The following ACVR2B variants were observed in gnomAD, a reference collection of about 807,000 sequenced individuals.
ACVR2B encodes activin receptor type-2B.
In ACVR2B, 18 loss-of-function variants were observed where a neutral mutation model predicts 65.1. That is an observed-to-expected ratio of 0.28 (90% CI 0.19 to 0.41). ACVR2B has a LOEUF of 0.41. Among genes scored for constraint, ACVR2B ranks in the 10% least tolerant of loss-of-function variants. The probability of loss-of-function intolerance (pLI) is 1.00; values close to 1 mark genes in which losing one functional copy is unlikely to be tolerated. For missense variants in ACVR2B, 482 were observed against 682.7 expected (o/e 0.71, Z 3.28); for synonymous variants, 298 against 277.7 (o/e 1.07, Z -0.73).
At chr3:38,473,073 G>A (rs1246014124) in intron 1 of ACVR2B, among the ~76,000 whole-genome samples, 1 of 152,184 alleles carries the variant, frequency 6.6e-6, no homozygotes, top group South Asian at 2.1e-4. Flanking sequence ...GGTGGTGTAT[G>A]TGGGAGTGGT....
rs890359144 is a variant in ACVR2B at position 38,454,328 on chromosome 3, G to C, written c.6G>C (p.Thr2=). 3.0e-5 allele frequency: 39 copies of C among 1,298,162 alleles called. No individual in the cohort carries two copies. The African/African-American group carries it at 4.3e-4, about 14-fold the overall frequency. The allele number at this position is 1,298,162 out of a possible 1,614,324, so 80.4% of individuals were successfully genotyped here. Residue 2 remains threonine (T), a synonymous_variant, in exon 1 of 11, where the codon ACG becomes ACC. Coordinates refer to ENST00000352511, the MANE Select transcript of ACVR2B (RefSeq NM_001106.4). ...GCGGGGCGGCGCCGCGGAACATGAC[G>C]GCGCCCTGGGTGGCCCTCGCCCTCC... is the stretch of plus-strand genomic sequence containing the variant. M[T]APWVALALLW...
intron 1 of ACVR2B, chr3:38,476,983 T>G (rs995037704): frequency 4.9e-5 from 25 of 506,122 alleles, no homozygotes; most frequent in South Asian, 2.9e-4. Flanking sequence ...ACTCTGTCTG[T>G]CTGGCTGTTT....
chr3:38,479,375 A>T (rs1327542149), intron 6 of ACVR2B, 104 bp downstream of exon 6: 2 of 1,545,670 alleles, frequency 1.3e-6, no homozygotes, highest in Non-Finnish European at 1.8e-6. Flanking sequence ...TCCACCATGA[A>T]GTACTCTGCC....
intron 1 of ACVR2B, chr3:38,473,628 G>A (rs1709857157): frequency 6.6e-6 from 1 of 152,374 alleles, no homozygotes; most frequent in African/African-American, 2.4e-5. Context: ...TGTAGGCATG[G>A]TGTGACTTGA....
At chr3:38,475,850 GCTGT>G (rs988375855) in intron 1 of ACVR2B, 1 of 153,844 alleles carries the variant, frequency 6.5e-6, no homozygotes, top group African/African-American at 2.4e-5. Context: ...TGGTGGGCTG[GCTGT>G]CTGGTGGGAT....
In ACVR2B at chr3:38,477,482, A is replaced by G. The variant is rs369141295; in HGVS notation, c.248A>G (p.Asn83Ser). 3.1e-6 allele frequency: 5 copies of G among 1,613,904 alleles called. No homozygotes were observed. The highest frequency in any genetic ancestry group is 2.2e-5 in the East Asian group (1 of 44,878). The stretch of plus-strand genomic sequence containing the variant: ...AAGGGCTGCTGGCTAGATGACTTCA[A>G]CTGCTACGATAGGTACCCCAAGACT... ...VKKGCWLDDF[N>S]CYDRQECVAT... Residue 83 changes from asparagine (N) to serine (S), a missense_variant, in exon 2 of 11, where the codon AAC becomes AGC. Asn to Ser is a conservative substitution (Grantham distance 46). Around this residue, in one of 5 missense-constraint regions of ACVR2B, gnomAD observed 85 missense variants for 137.3 expected, o/e 0.62. Transcript: ENST00000352511. The surrounding 1 kb of genome is among the most constrained non-coding windows in gnomAD (Gnocchi z 6.7).
intron 1 of ACVR2B, among the ~76,000 whole-genome samples, chr3:38,456,587 C>G (rs1303443430): frequency 1.3e-5 from 2 of 152,190 alleles, no homozygotes; most frequent in Non-Finnish European, 2.9e-5. Flanking sequence ...TGTCAAAGTT[C>G]TGGAAGCTCT....
intron 7 of ACVR2B, among the ~76,000 whole-genome samples, chr3:38,480,531 G>T (rs183064056): frequency 1.3e-5 from 2 of 152,308 alleles, no homozygotes; most frequent in Non-Finnish European, 2.9e-5. Flanking sequence ...GAAGTTGAAT[G>T]ACTTAGCCAA....
chr3:38,468,678 G>GT (rs1709771614), intron 1 of ACVR2B, among the ~76,000 whole-genome samples: 1 of 152,122 alleles, frequency 6.6e-6, no homozygotes, highest in Non-Finnish European at 1.5e-5. Context: ...AGGGTTCTGT[G>GT]GGGGAAGTCA....
At chr3:38,467,567 G>A (rs935724041) in intron 1 of ACVR2B, among the ~76,000 whole-genome samples, 6 of 149,542 alleles carry the variant, frequency 4.0e-5, no homozygotes, top group South Asian at 4.3e-4. Context: ...CTTAGGCAAC[G>A]TAGTGAGACC....
In ACVR2B at chr3:38,479,211, C is replaced by A. The variant is rs149589197; in HGVS notation, c.750C>A (p.Ala250=). ...KHENLLQFIA[A]EKRGSNLEVE... is the part of the protein sequence containing the mutation. ...AGAACCTGCTACAGTTCATTGCTGC[C>A]GAGAAGCGAGGCTCCAACCTCGAAG... is the stretch of plus-strand genomic sequence containing the variant. The change falls in exon 6 of 11, where the codon GCC becomes GCA. Residue 250 remains alanine (A), a synonymous_variant. Coordinates refer to ENST00000352511, the MANE Select transcript of ACVR2B (RefSeq NM_001106.4). The A allele has an allele frequency of 5.6e-5, 90 of 1,614,010 alleles. 1 individual carries two copies. The South Asian group carries it at 6.8e-4, about 12-fold the overall frequency.
Position 38,466,122 on chromosome 3 carries a change from A to G in ACVR2B, c.53-11165A>G, listed in dbSNP as rs78044332. Among the ~76,000 whole-genome samples, 347 of 152,366 alleles carry G rather than the reference A, an allele frequency of 2.3e-3. 8 individuals carry two copies. The East Asian group carries it at 0.059, about 26-fold the overall frequency. On this transcript the variant is annotated intron_variant, in intron 1 of 10. Transcript: ENST00000352511. Reference sequence around the variant, plus strand: ...AAATAAGCCAGACATGGAAGGACAAATAACCACATTATCTCACTTATATGT... The same window carrying G: ...AAATAAGCCAGACATGGAAGGACAAGTAACCACATTATCTCACTTATATGT...
chr3:38,479,546 C>T, intron 6 of ACVR2B, 132 bp from the exon 7 acceptor site: 1 of 1,167,698 alleles, frequency 8.6e-7, no homozygotes, highest in Non-Finnish European at 1.3e-6. Flanking sequence ...CATCCATCTT[C>T]CATATCGATT....
chr3:38,478,998 G>A (rs1709965469), intron 5 of ACVR2B, 130 bp from the exon 6 acceptor site: 4 of 1,218,594 alleles, frequency 3.3e-6, no homozygotes, highest in African/African-American at 1.5e-5. Context: ...CTGGGAGGCT[G>A]GGGGGTGGGG....
chr3:38,481,220 C>T lies in ACVR2B; in HGVS notation c.960-131C>T. On this transcript the variant is annotated intron_variant, in intron 7 of 10. Transcript: ENST00000352511. The surrounding 1 kb of genome is among the most constrained non-coding windows in gnomAD (Gnocchi z 4.7). Reference sequence around the variant, plus strand: ...GCTGCCTGCTTGTGCTGCTTCACCTCTGCACCCCAGGTAGGGTGGGATGGC... The same window carrying T: ...GCTGCCTGCTTGTGCTGCTTCACCTTTGCACCCCAGGTAGGGTGGGATGGC... The T allele has an allele frequency of 1.3e-6, 1 of 795,036 alleles. No individual in the cohort carries two copies. The allele number at this position is 795,036 out of a possible 1,614,324, so 49.2% of individuals were successfully genotyped here.
intron 1 of ACVR2B, among the ~76,000 whole-genome samples, chr3:38,465,267 C>T (rs1419478482): frequency 6.6e-6 from 1 of 151,508 alleles, no homozygotes; most frequent in Non-Finnish European, 1.5e-5. Flanking sequence ...GGTGTGGTGG[C>T]AGGCACCTGT....
chr3:38,468,847 A>G (rs1173750136), intron 1 of ACVR2B, among the ~76,000 whole-genome samples: 1 of 152,192 alleles, frequency 6.6e-6, no homozygotes, highest in African/African-American at 2.4e-5. Context: ...TTGCAGTTTT[A>G]GTGGGACTAC....
chr3:38,461,919 G>T (rs1040484482), intron 1 of ACVR2B, among the ~76,000 whole-genome samples: 4 of 152,158 alleles, frequency 2.6e-5, no homozygotes, highest in Non-Finnish European at 5.9e-5. Flanking sequence ...TTGGCCGGGC[G>T]TGGTGGCTCA....
rs1575591201 is a variant in ACVR2B, at chr3:38,484,646, A to C, written c.*1314A>C. ...TCAACATTTGAATTCTTTTTAATTTATGAAACATGCTAAATTTTTTTTTTC... is the reference window on the plus strand; with the variant it reads ...TCAACATTTGAATTCTTTTTAATTTCTGAAACATGCTAAATTTTTTTTTTC... On this transcript the variant is annotated 3_prime_UTR_variant, in exon 11 of 11. Transcript: ENST00000352511. 6.6e-6 allele frequency: 1 copy of C among 152,174 alleles called. No individual in the cohort carries two copies. Among genetic ancestry groups the C allele is most frequent in the African/African-American group, 2.4e-5 (1 of 41,440 alleles). The allele number at this position is 152,174 out of a possible 1,614,324, so 9.4% of individuals were successfully genotyped here.
Sources: gnomAD v4.1 joint callset for allele counts (sites outside exome capture counted in the v4.1 genomes callset) on GRCh38, gnomAD v4.1.1 for gene constraint, gnomAD v4.1.1 regional missense constraint, Gnocchi (gnomAD v3.1) non-coding constraint, MANE v1.5 for transcripts, NCBI Gene and HGNC (gene_info 2026-07-23, HGNC 2026-07-21) for gene names.